The following LRRTM4 variants were observed in gnomAD, a reference collection of about 807,000 sequenced individuals.
The protein encoded by LRRTM4 is leucine-rich repeat transmembrane neuronal protein 4.
In LRRTM4, 25 loss-of-function variants were observed where a neutral mutation model predicts 47.6. That is an observed-to-expected ratio of 0.53 (90% CI 0.38 to 0.73). The LOEUF (loss-of-function observed/expected upper bound fraction) is 0.73, where lower values mean the gene tolerates loss of function less well. LRRTM4 is among the 30% of genes least tolerant of loss of function. LRRTM4 has a pLI of 0.00. For synonymous variants in LRRTM4, 311 were observed against 269.5 expected (o/e 1.15, Z -1.51); for missense variants, 638 against 713.4 (o/e 0.89, Z 1.20).
intron 3 of LRRTM4, among the ~76,000 whole-genome samples, chr2:77,189,093 A>C (rs1361416650): frequency 3.3e-5 from 5 of 151,242 alleles, no homozygotes; most frequent in Non-Finnish European, 7.4e-5. Flanking sequence ...ATCTCTCTAT[A>C]GCAAACAAAT....
intron 3 of LRRTM4, among the ~76,000 whole-genome samples, chr2:76,805,273 A>G (rs1226734183): frequency 6.6e-6 from 1 of 152,300 alleles, no homozygotes; most frequent in Admixed American, 6.5e-5. Context: ...GGGGAAAGGT[A>G]CATTTACTTA....
chr2:77,369,407 G>A (rs532491344), intron 3 of LRRTM4, among the ~76,000 whole-genome samples: 1 of 151,466 alleles, frequency 6.6e-6, no homozygotes, highest in Non-Finnish European at 1.5e-5. Context: ...AAAATGGGGA[G>A]ATGTAGGTCA....
At chr2:77,431,931 G>A (rs187912070) in intron 3 of LRRTM4, among the ~76,000 whole-genome samples, 30 of 151,792 alleles carry the variant, frequency 2.0e-4, no homozygotes, top group African/African-American at 4.6e-4. Context: ...AAAATTAGCC[G>A]GGCATGGTGG....
chr2:77,273,011 CTTT>C (rs1266411753), intron 3 of LRRTM4, among the ~76,000 whole-genome samples: 1 of 152,038 alleles, frequency 6.6e-6, no homozygotes, highest in African/African-American at 2.4e-5. Flanking sequence ...GATGGCAGTA[CTTT>C]TTTAGTGAAT....
chr2:77,388,915 A>G (rs1265996422), intron 3 of LRRTM4, among the ~76,000 whole-genome samples: 1 of 152,074 alleles, frequency 6.6e-6, no homozygotes, highest in African/African-American at 2.4e-5. Flanking sequence ...TGTAAACAGT[A>G]ATGTGTTCAT....
At chr2:77,382,027 T>G (rs890677654) in intron 3 of LRRTM4, among the ~76,000 whole-genome samples, 2 of 152,110 alleles carry the variant, frequency 1.3e-5, no homozygotes, top group Non-Finnish European at 2.9e-5. Flanking sequence ...GTGATATGGA[T>G]ATCTATTTAG....
chr2:77,266,947 A>G (rs536049008), intron 3 of LRRTM4, among the ~76,000 whole-genome samples: 35 of 152,294 alleles, frequency 2.3e-4, no homozygotes, highest in Admixed American at 1.7e-3. Flanking sequence ...ACAAAGAAAT[A>G]AGCAAAAATA....
chr2:76,823,756 C>A (rs1337708703), intron 3 of LRRTM4, among the ~76,000 whole-genome samples: 1 of 150,914 alleles, frequency 6.6e-6, no homozygotes, highest in Non-Finnish European at 1.5e-5. Flanking sequence ...CACATTAAGT[C>A]TTCTAGATAT....
intron 3 of LRRTM4, among the ~76,000 whole-genome samples, chr2:77,276,664 C>G (rs1676364489): frequency 4.2e-5 from 4 of 95,676 alleles, no homozygotes; most frequent in Non-Finnish European, 8.5e-5. Context: ...AGTAAATGTT[C>G]TTGTATATAA....
chr2:77,135,588 C>A (rs574976710), intron 3 of LRRTM4, among the ~76,000 whole-genome samples: 8 of 152,188 alleles, frequency 5.3e-5, no homozygotes, highest in Admixed American at 4.6e-4. Flanking sequence ...TACAATGACT[C>A]ATTCTAATTT....
chr2:77,350,279 T>C (rs911032473), intron 3 of LRRTM4, among the ~76,000 whole-genome samples: 3 of 128,726 alleles, frequency 2.3e-5, no homozygotes, highest in East Asian at 4.5e-4. Context: ...TGAGCCGAGA[T>C]TGCGCCACTG....
intron 3 of LRRTM4, among the ~76,000 whole-genome samples, chr2:76,931,876 T>C (rs1271612565): frequency 1.3e-5 from 2 of 152,072 alleles, no homozygotes; most frequent in Non-Finnish European, 2.9e-5. Flanking sequence ...AAATTCCTAC[T>C]AATAATTTCA....
intron 3 of LRRTM4, among the ~76,000 whole-genome samples, chr2:77,435,633 A>G (rs1421415495): frequency 6.6e-6 from 1 of 152,156 alleles, no homozygotes; most frequent in African/African-American, 2.4e-5. Flanking sequence ...AGTAAGAAAG[A>G]TACATGAAAG....
chr2:77,055,917 AT>A (rs1367151113), intron 3 of LRRTM4, among the ~76,000 whole-genome samples: 3 of 151,230 alleles, frequency 2.0e-5, no homozygotes, highest in Non-Finnish European at 4.4e-5. Flanking sequence ...GGAAATTATC[AT>A]TCTCAGTAAA....
intron 3 of LRRTM4, among the ~76,000 whole-genome samples, chr2:77,086,062 GATT>G (rs1396007475): frequency 6.6e-6 from 1 of 152,108 alleles, no homozygotes; most frequent in Non-Finnish European, 1.5e-5. Flanking sequence ...AGATGGCCTT[GATT>G]ATATTTGTTA....
intron 3 of LRRTM4, among the ~76,000 whole-genome samples, chr2:77,288,728 T>C (rs1175092405): frequency 1.3e-5 from 2 of 152,102 alleles, no homozygotes; most frequent in East Asian, 1.9e-4. Flanking sequence ...AATACCTATG[T>C]AATGCTTAGG....
At position 76,989,988 on chromosome 2, in the gene LRRTM4, G is replaced by T. The variant is rs113541427; in HGVS notation, c.1552-241072C>A. 5.9e-3 allele frequency: 897 copies of T among 151,756 alleles called. 14 individuals are homozygous for T. Among genetic ancestry groups the T allele is most frequent in the African/African-American group, 0.02 (841 of 41,458 alleles). The allele number at this position is 151,756 out of a possible 1,614,324, so 9.4% of individuals were successfully genotyped here. On this transcript the variant is annotated intron_variant, in intron 3 of 3. Coordinates refer to ENST00000409884, the MANE Select transcript of LRRTM4 (RefSeq NM_001134745.3). ...CATATTATGTTTAAATATCTAATAG[G>T]TTTCATAAAATTATGCTTCATTATT...
intron 3 of LRRTM4, among the ~76,000 whole-genome samples, chr2:76,785,326 TTAA>T (rs953278182): frequency 4.6e-5 from 7 of 152,018 alleles, no homozygotes; most frequent in East Asian, 1.9e-4. Flanking sequence ...TCTGATAAAA[TTAA>T]TAATAAGAAG....
chr2:76,862,983 C>G (rs2104016275), intron 3 of LRRTM4, among the ~76,000 whole-genome samples: 1 of 152,278 alleles, frequency 6.6e-6, no homozygotes, highest in Admixed American at 6.5e-5. Context: ...CGATTATCTA[C>G]TTTTGTCAGG....
Sources: allele counts gnomAD v4.1 joint callset (sites outside exome capture counted in the v4.1 genomes callset), GRCh38; gene constraint gnomAD v4.1.1; transcripts MANE v1.5; gene names NCBI Gene and HGNC (gene_info 2026-07-23, HGNC 2026-07-21).